The following NLGN1 variants were observed in gnomAD, a reference collection of about 807,000 sequenced individuals.
NLGN1 encodes neuroligin-1.
Under a neutral mutation model 65.5 loss-of-function variants are expected in NLGN1, and 12 were observed. The observed-to-expected ratio is 0.18, with a 90% CI of 0.12 to 0.30. NLGN1 has a LOEUF of 0.30. Among genes scored for constraint, NLGN1 ranks in the 10% least tolerant of loss-of-function variants. NLGN1 has a pLI of 1.00. For missense variants in NLGN1, 750 were observed against 1,007.1 expected, an observed-to-expected ratio of 0.74 and a Z score of 3.46; for synonymous variants, 350 against 359.5, an observed-to-expected ratio of 0.97 and a Z score of 0.30.
chr3:174,253,583 T>C (rs1438563486), intron 4 of NLGN1, among the ~76,000 whole-genome samples: 1 of 152,196 alleles, frequency 6.6e-6, no homozygotes, highest in African/African-American at 2.4e-5. Context: ...GGACAGTGAC[T>C]TCAAGCAGGA....
chr3:173,709,838 T>C (rs1348161531), intron 3 of NLGN1, among the ~76,000 whole-genome samples: 1 of 139,600 alleles, frequency 7.2e-6, no homozygotes, highest in East Asian at 2.1e-4. Context: ...TCAAGAACCA[T>C]ATGCGCCAAA....
intron 2 of NLGN1, among the ~76,000 whole-genome samples, chr3:173,519,700 G>A (rs982628469): frequency 4.6e-5 from 7 of 151,398 alleles, no homozygotes; most frequent in Admixed American, 1.3e-4. Context: ...GTATATTGGA[G>A]GTAACTATTT....
intron 4 of NLGN1, among the ~76,000 whole-genome samples, chr3:174,008,182 C>A (rs1194451128): frequency 6.6e-6 from 1 of 152,056 alleles, no homozygotes; most frequent in Non-Finnish European, 1.5e-5. Flanking sequence ...TTCATTTCTG[C>A]CAGGCAAATG....
chr3:173,924,962 T>C (rs1742747264), intron 4 of NLGN1, among the ~76,000 whole-genome samples: 2 of 152,194 alleles, frequency 1.3e-5, no homozygotes, highest in Non-Finnish European at 2.9e-5. Flanking sequence ...CAGTATTACC[T>C]TTAAAAACCA....
At chr3:173,769,336 T>C (rs1034051979) in intron 3 of NLGN1, among the ~76,000 whole-genome samples, 3 of 152,180 alleles carry the variant, frequency 2.0e-5, no homozygotes, top group Non-Finnish European at 2.9e-5. Context: ...CTTCCACCAT[T>C]GTGTGACTTC....
chr3:173,956,026 A>AT (rs1204511906), intron 4 of NLGN1, among the ~76,000 whole-genome samples: 4 of 152,118 alleles, frequency 2.6e-5, no homozygotes, highest in Non-Finnish European at 4.4e-5. Flanking sequence ...TAGAGAATAC[A>AT]TTTTTTAAAA....
At chr3:173,718,395 C>T (rs929635114) in intron 3 of NLGN1, among the ~76,000 whole-genome samples, 2 of 152,074 alleles carry the variant, frequency 1.3e-5, no homozygotes, top group Non-Finnish European at 2.9e-5. Flanking sequence ...GAACATACAA[C>T]ATTTTTCTTT....
At chr3:174,162,170 G>C (rs1298047631) in intron 4 of NLGN1, among the ~76,000 whole-genome samples, 1 of 151,778 alleles carries the variant, frequency 6.6e-6, no homozygotes, top group African/African-American at 2.4e-5. Flanking sequence ...ATGATTTTTT[G>C]AGCAATATAA....
At chr3:173,509,959 G>A (rs1252641796) in intron 2 of NLGN1, among the ~76,000 whole-genome samples, 1 of 152,178 alleles carries the variant, frequency 6.6e-6, no homozygotes, top group East Asian at 1.9e-4. Flanking sequence ...TGGATGTGAA[G>A]GAGATAAGCA....
intron 3 of NLGN1, among the ~76,000 whole-genome samples, chr3:173,626,461 T>C (rs1420266057): frequency 6.6e-6 from 1 of 152,118 alleles, no homozygotes; most frequent in Non-Finnish European, 1.5e-5. Flanking sequence ...TAGGACAATG[T>C]AAAATTTATT....
intron 4 of NLGN1, among the ~76,000 whole-genome samples, chr3:173,929,648 C>T (rs1743684726): frequency 6.7e-6 from 1 of 148,808 alleles, no homozygotes; most frequent in Admixed American, 6.7e-5. Flanking sequence ...AACAAATCTC[C>T]TTATTAAAGT....
chr3:173,888,097 T>C (rs1166431205), intron 4 of NLGN1, among the ~76,000 whole-genome samples: 2 of 152,006 alleles, frequency 1.3e-5, no homozygotes, highest in Admixed American at 6.6e-5. Flanking sequence ...AATAAAATCT[T>C]TGTGAATCAC....
At chr3:173,743,713 T>G (rs1774975345) in intron 3 of NLGN1, among the ~76,000 whole-genome samples, 1 of 152,126 alleles carries the variant, frequency 6.6e-6, no homozygotes, top group South Asian at 2.1e-4. Context: ...GGCCTTTCAT[T>G]GGACAGTTCG....
In NLGN1 at chr3:173,405,421, C is replaced by G. The variant is rs939207763; in HGVS notation, c.-390+6934C>G. ...GTCTATGGCTACTATGCCTCCACTA[C>G]TGCTTGGCCATAAGAAATTATAAAA... is the stretch of plus-strand genomic sequence containing the variant. On this transcript the variant is annotated intron_variant, in intron 1 of 6. Coordinates refer to ENST00000457714, the Ensembl canonical transcript of NLGN1. Among the ~76,000 whole-genome samples the G allele has an allele frequency of 9.2e-5, 14 of 151,956 alleles. 1 individual carries two copies. The highest frequency in any genetic ancestry group is 1.5e-4 in the Non-Finnish European group (10 of 67,992).
chr3:174,103,076 CTG>C (rs1326152419), intron 4 of NLGN1, among the ~76,000 whole-genome samples: 1 of 152,172 alleles, frequency 6.6e-6, no homozygotes, highest in Non-Finnish European at 1.5e-5. Flanking sequence ...CTGGAAGGAA[CTG>C]TAAATCTTTT....
At position 173,750,710 on chromosome 3, in the gene NLGN1, TAGAA is replaced by T. The variant is rs148338662; in HGVS notation, c.494-56967_494-56964del. The stretch of plus-strand genomic sequence containing the variant: ...AGTGGTTAGTAGAGGTTTCTTTTGA[TAGAA>T]AGGCAGATAAATCAACTTCTCTGTC... On this transcript the variant is annotated intron_variant, in intron 3 of 6. Coordinates refer to ENST00000457714, the Ensembl canonical transcript of NLGN1. Among the ~76,000 whole-genome samples the T allele has an allele frequency of 6.3e-3, 953 of 152,206 alleles. 7 individuals are homozygous for T. Among genetic ancestry groups the T allele is most frequent in the Non-Finnish European group, 0.01 (712 of 67,982 alleles).
chr3:174,031,336 T>C (rs73042148), intron 4 of NLGN1, among the ~76,000 whole-genome samples: 180 of 152,308 alleles, frequency 1.2e-3, no homozygotes, highest in African/African-American at 4.2e-3. Context: ...TTCACTGAAA[T>C]GGCCCATCCT....
At chr3:173,431,863 G>T (rs1030636470) in intron 1 of NLGN1, among the ~76,000 whole-genome samples, 3 of 151,974 alleles carry the variant, frequency 2.0e-5, no homozygotes, top group African/African-American at 7.3e-5. Context: ...AATCCTCTAG[G>T]GCTCTATGGT....
At chr3:173,793,854 G>A (rs1192116544) in intron 3 of NLGN1, among the ~76,000 whole-genome samples, 3 of 152,062 alleles carry the variant, frequency 2.0e-5, no homozygotes, top group African/African-American at 7.2e-5. Context: ...GACTCAGATA[G>A]GGCAGAGTTT....
Sources: allele counts gnomAD v4.1 joint callset (sites outside exome capture counted in the v4.1 genomes callset), GRCh38; gene constraint gnomAD v4.1.1; transcripts MANE v1.5; gene names NCBI Gene and HGNC (gene_info 2026-07-23, HGNC 2026-07-21).